The following SYN2 variants were observed in gnomAD, a reference collection of about 807,000 sequenced individuals.
The protein encoded by SYN2 is synapsin-2.
A neutral mutation model predicts 50.9 loss-of-function variants in SYN2; 19 were observed. The observed-to-expected ratio is 0.37, with a 90% CI of 0.26 to 0.55. The LOEUF (loss-of-function observed/expected upper bound fraction) is 0.55. Among genes scored for constraint, SYN2 ranks in the 20% least tolerant of loss-of-function variants. The pLI is 0.81. For synonymous variants in SYN2, 255 were observed against 224.9 expected (o/e 1.13, Z -1.20); for missense variants, 587 against 576.4 (o/e 1.02, Z -0.19).
At chr3:12,124,233 C>T (rs758972012) in intron 1 of SYN2, among the ~76,000 whole-genome samples, 70 of 151,860 alleles carry the variant, frequency 4.6e-4, no homozygotes, top group Admixed American at 1.4e-3. Context: ...TAAAAACTGA[C>T]GAATTCAGGG....
At chr3:12,104,420 G>C (rs911610662) in intron 1 of SYN2, among the ~76,000 whole-genome samples, 5 of 151,484 alleles carry the variant, frequency 3.3e-5, no homozygotes, top group Non-Finnish European at 4.4e-5. Flanking sequence ...TTATTTGAAG[G>C]CCAAGCATCA....
chr3:12,153,178 T>TC (rs1467248670), intron 5 of SYN2: 1 of 388,948 alleles, frequency 2.6e-6, no homozygotes, highest in Admixed American at 3.6e-5. Flanking sequence ...TCGCCATTTC[T>TC]CCCCTACCAG....
At chr3:12,066,886 C>G (rs1199731076) in intron 1 of SYN2, among the ~76,000 whole-genome samples, 2 of 152,158 alleles carry the variant, frequency 1.3e-5, no homozygotes, top group Non-Finnish European at 2.9e-5. Context: ...AAGGGTATCA[C>G]TTCTCGGCCT....
chr3:12,119,439 T>C (rs576858462), intron 1 of SYN2, among the ~76,000 whole-genome samples: 1 of 152,312 alleles, frequency 6.6e-6, no homozygotes, highest in African/African-American at 2.4e-5. Flanking sequence ...CTAACACAGC[T>C]TTTGGCCCCT....
At chr3:12,174,411 C>G (rs1698013061) in intron 10 of SYN2, among the ~76,000 whole-genome samples, 1 of 152,144 alleles carries the variant, frequency 6.6e-6, no homozygotes, top group Non-Finnish European at 1.5e-5. Flanking sequence ...AACTGTTGCT[C>G]ACTGTGCCCT....
chr3:12,104,572 T>TTC (rs1696143069), intron 1 of SYN2, among the ~76,000 whole-genome samples: 2 of 123,424 alleles, frequency 1.6e-5, no homozygotes, highest in African/African-American at 6.5e-5. Context: ...TTTCTTTTCT[T>TTC]TTTTTTTTTT....
intron 4 of SYN2, among the ~76,000 whole-genome samples, chr3:12,148,339 T>C (rs1347963523): frequency 6.6e-6 from 1 of 152,182 alleles, no homozygotes; most frequent in African/African-American, 2.4e-5. Context: ...CTCCCTTCAG[T>C]TTCACAAAGC....
chr3:12,153,607 A>G (rs1446960863), intron 5 of SYN2: 1 of 1,614,000 alleles, frequency 6.2e-7, no homozygotes, highest in Non-Finnish European at 8.5e-7. Context: ...ATACAGACAT[A>G]ATGCTGAGCC....
At chr3:12,094,993 G>A (rs201847398) in intron 1 of SYN2, among the ~76,000 whole-genome samples, 3 of 152,118 alleles carry the variant, frequency 2.0e-5, no homozygotes, top group African/African-American at 7.2e-5. Flanking sequence ...GTTGGCCTAC[G>A]TGTGGTGACT....
chr3:12,071,527 AGAACTTGTTGCTGATTTT>A (rs1262188744), intron 1 of SYN2: 1 of 363,242 alleles, frequency 2.8e-6, no homozygotes, highest in African/African-American at 2.1e-5. Flanking sequence ...ACTTGATTGT[AGAACTTGTTGCTGATTTT>A]GACCTTGTAT....
Position 12,070,688 on chromosome 3 carries a change from T to A in SYN2, c.377+65760T>A, listed in dbSNP as rs190135490. The A allele has an allele frequency of 2.3e-5, 26 of 1,116,166 alleles. No homozygotes were observed. The East Asian group carries it at 5.1e-4, about 22-fold the overall frequency. The allele number at this position is 1,116,166 out of a possible 1,614,324, so 69.1% of individuals were successfully genotyped here. A position where few individuals can be genotyped will look rare whatever the true frequency, so the allele number is the denominator to read the frequency against. On this transcript the variant is annotated intron_variant, in intron 1 of 12. Transcript: ENST00000621198. ...ATGCCTCTGGATGCACCACTGGCAT[T>A]GTTAATGGACCCTGGAGATGGGGTC...
intron 1 of SYN2, among the ~76,000 whole-genome samples, chr3:12,137,647 G>T (rs1037336159): frequency 3.9e-5 from 6 of 152,108 alleles, no homozygotes; most frequent in African/African-American, 1.4e-4. Context: ...AAAGGAAGAG[G>T]CCCATCAATA....
chr3:12,132,671 T>C (rs1181012938), intron 1 of SYN2, among the ~76,000 whole-genome samples: 5 of 152,250 alleles, frequency 3.3e-5, no homozygotes, highest in Admixed American at 3.3e-4. Flanking sequence ...ATCATGTCAC[T>C]TTTGTCCAGA....
intron 10 of SYN2, among the ~76,000 whole-genome samples, chr3:12,173,305 T>C (rs1697978498): frequency 6.6e-6 from 1 of 152,180 alleles, no homozygotes; most frequent in South Asian, 2.1e-4. Context: ...TGAGCAGACA[T>C]TTCAGCCATC....
chr3:12,014,320 G>A (rs929889665), intron 1 of SYN2, among the ~76,000 whole-genome samples: 3 of 152,216 alleles, frequency 2.0e-5, no homozygotes, highest in African/African-American at 7.2e-5. Flanking sequence ...TAACAATGAA[G>A]AGAGGGAAGT....
chr3:12,143,927 G>T (rs1266588239), intron 3 of SYN2, among the ~76,000 whole-genome samples: 1 of 152,162 alleles, frequency 6.6e-6, no homozygotes. Context: ...TTAAGTCCTC[G>T]AGTGGCCAAG....
chr3:12,010,483 T>G (rs1693892928), intron 1 of SYN2, among the ~76,000 whole-genome samples: 1 of 152,228 alleles, frequency 6.6e-6, no homozygotes. Flanking sequence ...GTAATTAGTA[T>G]GCATAGGATG....
At chr3:12,029,826 G>A (rs1694342023) in intron 1 of SYN2, among the ~76,000 whole-genome samples, 1 of 95,498 alleles carries the variant, frequency 1.0e-5, no homozygotes, top group Non-Finnish European at 1.9e-5. Flanking sequence ...TCTGCAAACA[G>A]GGACAATTTG....
chr3:12,157,290 C>T, intron 5 of SYN2: 3 of 1,179,860 alleles, frequency 2.5e-6, no homozygotes, highest in South Asian at 1.3e-5. Flanking sequence ...GATTACTGAG[C>T]CAGGCCACCT....
Sources: gnomAD v4.1 joint callset for allele counts (sites outside exome capture counted in the v4.1 genomes callset) on GRCh38, gnomAD v4.1.1 for gene constraint, MANE v1.5 for transcripts, NCBI Gene and HGNC (gene_info 2026-07-23, HGNC 2026-07-21) for gene names.